Variants in RABGGTA observed in about 807,000 individuals in gnomAD.
RABGGTA encodes geranylgeranyl transferase type-2 subunit alpha.
Under a neutral mutation model 83.3 loss-of-function variants are expected in RABGGTA, and 69 were observed. The ratio of observed to expected loss-of-function variants is 0.83; its 90% confidence interval spans 0.68 to 1.01. The LOEUF is 1.01. Among genes scored for constraint, RABGGTA ranks in the 50% least tolerant of loss-of-function variants. The pLI is 0.00. For synonymous variants in RABGGTA, 310 were observed against 299.8 expected (o/e 1.03, Z -0.35); for missense variants, 681 against 712.7 (o/e 0.96, Z 0.51).
rs540093542 is a variant in RABGGTA, at chr14:24,271,250, T to C, written c.-54-81A>G. 1.8e-4 allele frequency: 211 copies of C among 1,200,022 alleles called. 1 individual carries two copies. In the South Asian group the frequency reaches 3.3e-3, roughly 19 times the overall value. 74.3% of individuals were successfully genotyped at this position (1,200,022 alleles called of 1,614,324 possible). ...TGTGTCCGGAAGCAGCAAGCGTGCC[T>C]GGGCAGAGACCCCCAGAGTGTAAAG... On this transcript the variant is annotated intron_variant, in intron 1 of 16. Coordinates refer to ENST00000216840, the MANE Select transcript of RABGGTA (RefSeq NM_182836.3).
intron 6 of RABGGTA, 102 bp from the exon 7 acceptor site, chr14:24,269,265 C>A: frequency 8.3e-7 from 1 of 1,199,862 alleles, no homozygotes; most frequent in Non-Finnish European, 1.2e-6. Flanking sequence ...AGCCCCCAGT[C>A]TCACTTATAT....
Position 24,267,902 on chromosome 14 carries a change from T to C in RABGGTA, c.1204A>G (p.Lys402Glu), listed in dbSNP as rs372539683. The C allele has an allele frequency of 1.9e-6, 3 of 1,613,762 alleles. No homozygotes were observed. The highest frequency in any genetic ancestry group is 1.7e-5 in the Admixed American group (1 of 60,022). ...GTCTGGAAGTACTGCAGGGTCTCCT[T>C]CTCATACAGCAGGGGGTCCAGTGCC... Reference protein sequence around the residue: ...MRALDPLLYEKETLQYFQTLK... With the variant: ...MRALDPLLYEEETLQYFQTLK... Residue 402 changes from lysine to glutamate, a missense_variant, in exon 13 of 17, where the codon AAG (lysine) becomes GAG (glutamate). By Grantham distance (56) the Lys-to-Glu change is moderately conservative (BLOSUM62 1). Around this residue, in one of 5 missense-constraint regions of RABGGTA, gnomAD observed 421 missense variants for 418.5 expected, o/e 1.01. Transcript: ENST00000216840.
chr14:24,271,137 A>G lies in RABGGTA; in HGVS notation c.-22T>C. 6.5e-7 allele frequency: 1 copy of G among 1,536,454 alleles called. No homozygotes were observed. The highest frequency in any genetic ancestry group is 2.3e-5 in the East Asian group (1 of 44,226). On this transcript the variant is annotated 5_prime_UTR_variant, in exon 2 of 17. Transcript: ENST00000216840. ...CCATGGTGCCGGCTCAGGGTTCAAG[A>G]CAGGGGAAGGGTCCAGTGGTAGCCC... is the stretch of plus-strand genomic sequence containing the variant.
At position 24,270,670 on chromosome 14, in the gene RABGGTA, A is replaced by G. The variant is rs1267794675; in HGVS notation, c.114+167T>C. On this transcript the variant is annotated intron_variant, in intron 3 of 16. Transcript: ENST00000216840. The stretch of plus-strand genomic sequence containing the variant: ...AATTATTAGCCCCATTTTACAGATG[A>G]GCAAACTGAGGCCCAAAGAGATTCA... Among the ~76,000 whole-genome samples, 3 of 152,332 alleles carry G rather than the reference A, an allele frequency of 2.0e-5. No homozygotes were observed. The East Asian group carries it at 5.8e-4, about 29-fold the overall frequency.
rs772707095 is a variant in RABGGTA, at chr14:24,271,096, G to A, written c.3+17C>T. The A allele has an allele frequency of 2.6e-5, 41 of 1,561,542 alleles. No homozygotes were observed. Among genetic ancestry groups the A allele is most frequent in the Non-Finnish European group, 3.3e-5 (38 of 1,153,128 alleles). On this transcript the variant is annotated intron_variant, in intron 2 of 16. Transcript: ENST00000216840. ...CGCGGGCCTGCGGAGGTGAAGGGCT[G>A]GGCTCAGGGTTCTCACCATGGTGCC...
intron 3 of RABGGTA, 72 bp downstream of exon 3, chr14:24,270,765 G>T: frequency 6.4e-7 from 1 of 1,551,764 alleles, no homozygotes; most frequent in Non-Finnish European, 8.7e-7. Context: ...TCTGACTCTA[G>T]GGACCAGCTC....
At chr14:24,270,713 A>T in intron 3 of RABGGTA, 124 bp downstream of exon 3, 1 of 1,383,900 alleles carries the variant, frequency 7.2e-7, no homozygotes, top group Non-Finnish European at 9.8e-7. Flanking sequence ...GCCCAAAGTC[A>T]TACAGTTATA....
rs2040894841 is a variant in RABGGTA, at chr14:24,267,932, T to A, written c.1174A>T (p.Met392Leu). Reference sequence around the variant, plus strand: ...TACAGCAGGGGGTCCAGTGCCCGCATCAGCAGGATGATGGTAAGCAGGCAC... The same window carrying A: ...TACAGCAGGGGGTCCAGTGCCCGCAACAGCAGGATGATGGTAAGCAGGCAC... ...KWCLLTIILL[M>L]RALDPLLYEK... Residue 392 changes from methionine to leucine, a missense_variant, in exon 13 of 17, where the codon ATG becomes TTG. This residue lies in a region of RABGGTA where 421 missense variants were observed against 418.5 expected (regional missense o/e 1.01). Coordinates refer to ENST00000216840, the MANE Select transcript of RABGGTA (RefSeq NM_182836.3). The A allele has an allele frequency of 1.9e-6, 3 of 1,613,786 alleles. 1 individual carries two copies. The South Asian group carries it at 3.3e-5, about 18-fold the overall frequency.
At position 24,267,877 on chromosome 14, in the gene RABGGTA, G is replaced by A. The variant is rs1197702592; in HGVS notation, c.1229C>T (p.Thr410Ile). Residue 410 changes from threonine (T) to isoleucine (I), a missense_variant, in exon 13 of 17, where the codon ACC becomes ATC. Transcript: ENST00000216840. ...TCTGCAGACAGAACTTGCCTTGAGG[G>A]TCTGGAAGTACTGCAGGGTCTCCTT... ...YEKETLQYFQ[T>I]LKAVDPMRAT... 3.1e-6 allele frequency: 5 copies of A among 1,613,648 alleles called. No homozygotes were observed. The highest frequency in any genetic ancestry group is 4.2e-6 in the Non-Finnish European group (5 of 1,179,766).
chr14:24,266,517 C>T lies in RABGGTA; in HGVS notation c.1468G>A (p.Val490Met), dbSNP rs781572392. Reference sequence around the variant, plus strand: ...ATGGCATTATCACTGGCCTGCAGCACCTGGGGGCAGGGAGGGCAGGGAGGC... The same window carrying T: ...ATGGCATTATCACTGGCCTGCAGCATCTGGGGGCAGGGAGGGCAGGGAGGC... ...PALAALRCLE[V>M]LQASDNAIES... is the part of the protein sequence containing the mutation. Residue 490 changes from valine to methionine, a missense_variant and splice_region_variant, in exon 16 of 17, where the codon GTG becomes ATG. By Grantham distance (21) the Val-to-Met change is conservative. Coordinates refer to ENST00000216840, the MANE Select transcript of RABGGTA (RefSeq NM_182836.3). 1.2e-6 allele frequency: 2 copies of T among 1,613,712 alleles called. No homozygotes were observed. Among genetic ancestry groups the T allele is most frequent in the East Asian group, 2.2e-5 (1 of 44,888 alleles).
chr14:24,270,963 G>C lies in RABGGTA; in HGVS notation c.4-16C>G, dbSNP rs186898719. 2.5e-6 allele frequency: 4 copies of C among 1,612,550 alleles called. No homozygotes were observed. The highest frequency in any genetic ancestry group is 1.7e-5 in the Admixed American group (1 of 59,736). On this transcript the variant is annotated splice_polypyrimidine_tract_variant and intron_variant, in intron 2 of 16. Transcript: ENST00000216840. ...GGCGTCCGTGCTACAAGGATGAACG[G>C]GTTGGAAGAGTGCAGGTTGCCTTGC...
Position 24,268,213 on chromosome 14 carries a change from G to A in RABGGTA, c.1059-15C>T. 6 of 1,600,736 alleles carry A rather than the reference G, an allele frequency of 3.7e-6. No homozygotes were observed. Among genetic ancestry groups the A allele is most frequent in the Non-Finnish European group, 5.1e-6 (6 of 1,168,134 alleles). ...ACAGCTCACACCTGAGGGTGGGCAG[G>A]GTGGGGAGGAGTTGAGGCCCACAGC... On this transcript the variant is annotated splice_polypyrimidine_tract_variant and intron_variant, in intron 11 of 16. Transcript: ENST00000216840.
In RABGGTA at chr14:24,270,878, G is replaced by C. The variant is rs748121741; in HGVS notation, c.73C>G (p.Leu25Val). Residue 25 changes from leucine to valine, a missense_variant, in exon 3 of 17, where the codon CTG (leucine) becomes GTG (valine). Physicochemically the swap from Leu to Val is conservative, Grantham distance 32. Transcript: ENST00000216840. ...EAKRLEREQKLKLYQSATQAV... is the reference protein window; with the variant it reads ...EAKRLEREQKVKLYQSATQAV... Reference sequence around the variant, plus strand: ...TGGGTGGCTGACTGGTATAGCTTCAGCTTCTGCTCTCGCTCTAGCCTTTTG... The same window carrying C: ...TGGGTGGCTGACTGGTATAGCTTCACCTTCTGCTCTCGCTCTAGCCTTTTG... The C allele has an allele frequency of 3.1e-6, 5 of 1,614,030 alleles. No individual in the cohort carries two copies. In the Admixed American group the frequency reaches 8.3e-5, roughly 27 times the overall value.
chr14:24,270,751 G>T lies in RABGGTA; in HGVS notation c.114+86C>A, dbSNP rs1038137354. The T allele has an allele frequency of 2.0e-5, 30 of 1,515,886 alleles. No homozygotes were observed. The African/African-American group carries it at 2.9e-4, about 15-fold the overall frequency. The allele number at this position is 1,515,886 out of a possible 1,614,324, so 93.9% of individuals were successfully genotyped here. A position where few individuals can be genotyped will look rare whatever the true frequency, so the allele number is the denominator to read the frequency against. On this transcript the variant is annotated intron_variant, in intron 3 of 16. Transcript: ENST00000216840. ...TGAGATAACCCAGAATTGGATCTAG[G>T]CAGTCTGACTCTAGGGACCAGCTCT...
rs1433228759 is a variant in RABGGTA, at chr14:24,271,080, G to A, written c.3+33C>T. 3.8e-6 allele frequency: 6 copies of A among 1,567,806 alleles called. No individual in the cohort carries two copies. The East Asian group carries it at 1.4e-4, about 35-fold the overall frequency. Reference sequence around the variant, plus strand: ...CCACTGGGGGTGAGGGCGCGGGCCTGCGGAGGTGAAGGGCTGGGCTCAGGG... The same window carrying A: ...CCACTGGGGGTGAGGGCGCGGGCCTACGGAGGTGAAGGGCTGGGCTCAGGG... On this transcript the variant is annotated intron_variant, in intron 2 of 16. Coordinates refer to ENST00000216840, the MANE Select transcript of RABGGTA (RefSeq NM_182836.3).
At position 24,266,284 on chromosome 14, in the gene RABGGTA, A is replaced by G. The variant is rs971553670; in HGVS notation, c.1555+146T>C. On this transcript the variant is annotated intron_variant, in intron 16 of 16. Transcript: ENST00000216840. ...AGGTCAGTGATAGCCCGACAGCCCC[A>G]GGCTCTCCCCCTTCAACTCACACTA... The G allele has an allele frequency of 6.9e-6, 5 of 720,798 alleles. No homozygotes were observed. In the African/African-American group the frequency reaches 8.8e-5, roughly 13 times the overall value. The allele number at this position is 720,798 out of a possible 1,614,324, so 44.7% of individuals were successfully genotyped here. A position where few individuals can be genotyped will look rare whatever the true frequency, so the allele number is the denominator to read the frequency against.
chr14:24,269,826 C>CA, intron 5 of RABGGTA, 127 bp downstream of exon 5: 3 of 1,436,610 alleles, frequency 2.1e-6, no homozygotes, highest in Non-Finnish European at 2.8e-6. Context: ...TTGGCTCCAA[C>CA]ATCCCTTTCA....
rs1185207324 is a variant in RABGGTA, at chr14:24,269,071, A to C, written c.715+9T>G. On this transcript the variant is annotated intron_variant, in intron 7 of 16. Coordinates refer to ENST00000216840, the MANE Select transcript of RABGGTA (RefSeq NM_182836.3). Reference sequence around the variant, plus strand: ...CGCTAAACACCCAGCCCCTTTCCTCATTGCTCACCTCGGCCTAGGAGCCAA... The same window carrying C: ...CGCTAAACACCCAGCCCCTTTCCTCCTTGCTCACCTCGGCCTAGGAGCCAA... 1.2e-6 allele frequency: 2 copies of C among 1,603,188 alleles called. No homozygotes were observed. Among genetic ancestry groups the C allele is most frequent in the Admixed American group, 1.7e-5 (1 of 58,282 alleles).
chr14:24,267,825 T>C (rs2040893171), intron 13 of RABGGTA, 45 bp downstream of exon 13: 1 of 1,611,162 alleles, frequency 6.2e-7, no homozygotes, highest in African/African-American at 1.3e-5. Flanking sequence ...GCCTGCCTCC[T>C]GCCTGCTGGG....
Sources: allele counts gnomAD v4.1 joint callset (sites outside exome capture counted in the v4.1 genomes callset), GRCh38; gene constraint gnomAD v4.1.1; regional missense constraint gnomAD v4.1.1; transcripts MANE v1.5; gene names NCBI Gene and HGNC (gene_info 2026-07-23, HGNC 2026-07-21).